Variants in ARFGAP3 observed in about 807,000 individuals in gnomAD.
The protein encoded by ARFGAP3 is ADP-ribosylation factor GTPase-activating protein 3.
ARFGAP3 carries 72 observed loss-of-function variants against 75.0 expected under a neutral mutation model. That is an observed-to-expected ratio of 0.96 (90% CI 0.79 to 1.17). ARFGAP3 has a LOEUF of 1.17. ARFGAP3 is among the 50% of genes most tolerant of loss of function. The pLI, the probability that ARFGAP3 is intolerant of heterozygous loss-of-function variation, is 0.00. For missense variants in ARFGAP3, 620 were observed against 626.6 expected (o/e 0.99, Z 0.11); for synonymous variants, 221 against 217.9 (o/e 1.01, Z -0.13).
intron 9 of ARFGAP3, among the ~76,000 whole-genome samples, chr22:42,819,711 C>T (rs904888998): frequency 3.9e-5 from 6 of 152,222 alleles, no homozygotes; most frequent in African/African-American, 1.4e-4. Context: ...TTTAGTTTCA[C>T]ACTCTGACAG....
chr22:42,830,933 G>T (rs555261388), intron 6 of ARFGAP3, among the ~76,000 whole-genome samples: 2 of 152,200 alleles, frequency 1.3e-5, no homozygotes, highest in East Asian at 3.9e-4. Flanking sequence ...TTACAAAAAT[G>T]ATTATTATAT....
At chr22:42,807,267 G>C (rs545093315) in intron 13 of ARFGAP3, 104 bp from the exon 14 acceptor site, 86 of 1,468,036 alleles carry the variant, frequency 5.9e-5, no homozygotes, top group Non-Finnish European at 7.3e-5. Context: ...TGACCCCCAG[G>C]CTCTTTCTTT....
intron 3 of ARFGAP3, among the ~76,000 whole-genome samples, chr22:42,840,150 T>C (rs1926714851): frequency 6.6e-6 from 1 of 152,088 alleles, no homozygotes; most frequent in Non-Finnish European, 1.5e-5. Context: ...AGGTCAGTCT[T>C]ACATTCATGG....
intron 1 of ARFGAP3, among the ~76,000 whole-genome samples, chr22:42,852,354 C>G (rs540749466): frequency 6.7e-6 from 1 of 149,788 alleles, no homozygotes; most frequent in East Asian, 2.0e-4. Flanking sequence ...CGCGCCTAGC[C>G]TCATCTTGAA....
At chr22:42,834,469 G>A (rs1926434722) in intron 4 of ARFGAP3, 144 bp from the exon 5 acceptor site, 3 of 1,413,472 alleles carry the variant, frequency 2.1e-6, no homozygotes, top group East Asian at 2.6e-5. Flanking sequence ...CCCTACAGAG[G>A]ACCTCTGCGT....
chr22:42,806,933 C>T (rs1925149130), intron 14 of ARFGAP3, 140 bp downstream of exon 14: 2 of 843,410 alleles, frequency 2.4e-6, no homozygotes, highest in Non-Finnish European at 3.5e-6. Flanking sequence ...GTAACTTCTG[C>T]TCTACCTGAC....
Position 42,857,098 on chromosome 22 carries a change from C to T in ARFGAP3, c.69+16G>A. The stretch of plus-strand genomic sequence containing the variant: ...CAGGGATGCCAGGCAGGCCCGCACT[C>T]GCCCGCGGCCGCTACCTTGTTAGTG... On this transcript the variant is annotated intron_variant, in intron 1 of 15. Coordinates refer to ENST00000263245, the MANE Select transcript of ARFGAP3 (RefSeq NM_014570.5). 6.6e-7 allele frequency: 1 copy of T among 1,504,230 alleles called. No homozygotes were observed. Among genetic ancestry groups the T allele is most frequent in the Non-Finnish European group, 8.9e-7 (1 of 1,125,148 alleles). The allele number at this position is 1,504,230 out of a possible 1,614,324, so 93.2% of individuals were successfully genotyped here. A position where few individuals can be genotyped will look rare whatever the true frequency, so the allele number is the denominator to read the frequency against.
chr22:42,810,228 G>A (rs1259842979), intron 12 of ARFGAP3, among the ~76,000 whole-genome samples: 1 of 152,100 alleles, frequency 6.6e-6, no homozygotes, highest in Non-Finnish European at 1.5e-5. Flanking sequence ...AGCAGTTTGG[G>A]AGGCCGAGGC....
At chr22:42,836,601 T>C (rs77800656) in intron 3 of ARFGAP3, among the ~76,000 whole-genome samples, 1,609 of 152,248 alleles carry the variant, frequency 0.011, 29 homozygotes, top group African/African-American at 0.036. Flanking sequence ...AGAAACTGCT[T>C]TTACCCACTT....
chr22:42,817,222 C>T lies in ARFGAP3; in HGVS notation c.984G>A (p.Glu328=), dbSNP rs757384507. 6.2e-7 allele frequency: 1 copy of T among 1,613,430 alleles called. No individual in the cohort carries two copies. Among genetic ancestry groups the T allele is most frequent in the Non-Finnish European group, 8.5e-7 (1 of 1,179,664 alleles). The part of the protein sequence containing the change: ...HSVTSDMQTI[E]QESPIMAKPR... The stretch of plus-strand genomic sequence containing the variant: ...GTTTTGCCATAATGGGTGATTCCTG[C>T]TCTATGGTCTGCATATCTGAAGTCA... The change falls in exon 11 of 16, where the codon GAG becomes GAA. Residue 328 remains glutamate, a synonymous_variant. Transcript: ENST00000263245.
chr22:42,810,803 G>A lies in ARFGAP3; in HGVS notation c.1196+10C>T, dbSNP rs1481557269. 4 of 1,605,880 alleles carry A rather than the reference G, an allele frequency of 2.5e-6. No individual in the cohort carries two copies. Among genetic ancestry groups the A allele is most frequent in the Non-Finnish European group, 3.4e-6 (4 of 1,174,406 alleles). Reference sequence around the variant, plus strand: ...TTCACTACTACAACCCCACAGTTTTGCATTCATACCTGTCTGAATAGCCTG... The same window carrying A: ...TTCACTACTACAACCCCACAGTTTTACATTCATACCTGTCTGAATAGCCTG... On this transcript the variant is annotated intron_variant, in intron 12 of 15. Transcript: ENST00000263245.
At position 42,801,565 on chromosome 22, in the gene ARFGAP3, T is replaced by A. The variant is rs376304083; in HGVS notation, c.1412-2405A>T. ...ACATGCGCACAGCTCTTAAGGCTTG[T>A]GCTGGAGGCGGAACACATCGCCCCT... On this transcript the variant is annotated intron_variant, in intron 14 of 15. Coordinates refer to ENST00000263245, the MANE Select transcript of ARFGAP3 (RefSeq NM_014570.5). Among the ~76,000 whole-genome samples the A allele has an allele frequency of 4.6e-5, 7 of 152,192 alleles. No homozygotes were observed. The East Asian group carries it at 9.6e-4, about 21-fold the overall frequency.
Position 42,800,018 on chromosome 22 carries a change from T to C in ARFGAP3, c.1412-858A>G, listed in dbSNP as rs140236673. Among the ~76,000 whole-genome samples the C allele has an allele frequency of 2.0e-3, 299 of 152,326 alleles. 2 individuals carry two copies. Among genetic ancestry groups the C allele is most frequent in the African/African-American group, 6.5e-3 (271 of 41,568 alleles). ...TGCCCTGATGTAAACATCACCATAA[T>C]TGCTACCAATCTGGGTGAAGTTCAT... On this transcript the variant is annotated intron_variant, in intron 14 of 15. Transcript: ENST00000263245.
intron 11 of ARFGAP3, 64 bp from the exon 12 acceptor site, chr22:42,811,008 T>G (rs1925347340): frequency 3.8e-6 from 6 of 1,580,904 alleles, no homozygotes; most frequent in Non-Finnish European, 5.2e-6. Context: ...CTGGGCTCTC[T>G]CACTTCCACA....
intron 9 of ARFGAP3, among the ~76,000 whole-genome samples, chr22:42,821,510 A>G (rs1159375927): frequency 2.6e-5 from 4 of 152,236 alleles, no homozygotes; most frequent in Admixed American, 2.0e-4. Flanking sequence ...CTTCTTTCTT[A>G]GCATAAACTT....
intron 3 of ARFGAP3, among the ~76,000 whole-genome samples, chr22:42,837,871 T>C (rs1443724373): frequency 1.3e-5 from 2 of 151,410 alleles, no homozygotes; most frequent in African/African-American, 2.4e-5. Context: ...TTTTGTAGAC[T>C]TTGTTGTCCA....
chr22:42,810,766 G>GA, intron 12 of ARFGAP3, 47 bp downstream of exon 12: 1 of 1,544,430 alleles, frequency 6.5e-7, no homozygotes, highest in South Asian at 1.2e-5. Context: ...TTTTTTCCCA[G>GA]AAATGCATGG....
chr22:42,830,272 C>CATA (rs34297921), intron 6 of ARFGAP3, among the ~76,000 whole-genome samples: 1 of 151,824 alleles, frequency 6.6e-6, no homozygotes, highest in South Asian at 2.1e-4. Flanking sequence ...CGTGCACAAC[C>CATA]TGCCTGGCTA....
At chr22:42,829,467 C>A (rs1356864933) in intron 6 of ARFGAP3, among the ~76,000 whole-genome samples, 9 of 151,888 alleles carry the variant, frequency 5.9e-5, no homozygotes, top group Non-Finnish European at 1.0e-4. Flanking sequence ...GCTAAGAAAT[C>A]AAAAAACTAA....
Sources: gnomAD v4.1 joint callset for allele counts (sites outside exome capture counted in the v4.1 genomes callset) on GRCh38, gnomAD v4.1.1 for gene constraint, MANE v1.5 for transcripts, NCBI Gene and HGNC (gene_info 2026-07-23, HGNC 2026-07-21) for gene names.